MYO3A: variants seen among roughly 807,000 people sequenced by gnomAD.
MYO3A encodes myosin IIIA.
Under a neutral mutation model 192.7 loss-of-function variants are expected in MYO3A, and 180 were observed. That is an observed-to-expected ratio of 0.93 (90% CI 0.83 to 1.06). The LOEUF is 1.06. Among genes scored for constraint, MYO3A ranks in the 50% least tolerant of loss-of-function variants. The pLI is 0.00. For synonymous variants in MYO3A, 628 were observed against 645.3 expected (o/e 0.97, Z 0.41); for missense variants, 1,896 against 1,905.0 (o/e 1.00, Z 0.09).
At chr10:26,201,839 C>T (rs1422939267) in intron 33 of MYO3A, among the ~76,000 whole-genome samples, 9 of 152,164 alleles carry the variant, frequency 5.9e-5, no homozygotes, top group Non-Finnish European at 1.2e-4. Flanking sequence ...GCACTAAGAA[C>T]TTAAATATGT....
At chr10:25,978,322 G>T (rs953761692) in intron 4 of MYO3A, among the ~76,000 whole-genome samples, 2 of 152,176 alleles carry the variant, frequency 1.3e-5, no homozygotes, top group African/African-American at 4.8e-5. Flanking sequence ...AGGTTTAATT[G>T]TACTTACACA....
Position 25,960,278 on chromosome 10 carries a change from A to G in MYO3A, c.303+5270A>G, listed in dbSNP as rs375006407. Among the ~76,000 whole-genome samples, 18 of 152,204 alleles carry G rather than the reference A, an allele frequency of 1.2e-4. No individual in the cohort carries two copies. In the South Asian group the frequency reaches 3.7e-3, roughly 32 times the overall value. On this transcript the variant is annotated intron_variant, in intron 4 of 34. Transcript: ENST00000642920. ...GGAGCCTTTCAAAATGTATAATAGT[A>G]TTTTCAAAAATCTTTCATCATCTGA...
chr10:26,098,496 T>G (rs1460663033), intron 17 of MYO3A, among the ~76,000 whole-genome samples: 1 of 152,244 alleles, frequency 6.6e-6, no homozygotes, highest in Non-Finnish European at 1.5e-5. Context: ...CATGCCTATG[T>G]CCTGAATGGT....
At position 26,174,566 on chromosome 10, in the gene MYO3A, A is replaced by G. The variant is rs1842222082; in HGVS notation, c.4293+9A>G. ...CAATTTTTTCAAAACAGGTATGTGA[A>G]TAAATAAATTTATTTACTAATAAAA... is the stretch of plus-strand genomic sequence containing the variant. On this transcript the variant is annotated intron_variant, in intron 30 of 34. Coordinates refer to ENST00000642920, the MANE Select transcript of MYO3A (RefSeq NM_017433.5). 1 of 1,605,342 alleles carries G rather than the reference A, an allele frequency of 6.2e-7. No individual in the cohort carries two copies.
intron 2 of MYO3A, among the ~76,000 whole-genome samples, chr10:25,947,904 C>T (rs1389665190): frequency 1.3e-5 from 2 of 152,048 alleles, no homozygotes; most frequent in African/African-American, 4.8e-5. Context: ...GGCTTACATT[C>T]TGGTAGTGGA....
intron 4 of MYO3A, among the ~76,000 whole-genome samples, chr10:25,958,716 A>T (rs1439677690): frequency 6.6e-6 from 1 of 152,172 alleles, no homozygotes; most frequent in Non-Finnish European, 1.5e-5. Flanking sequence ...GATTCTTCCT[A>T]TCCATGAGCA....
intron 10 of MYO3A, among the ~76,000 whole-genome samples, chr10:26,043,270 T>C (rs1843455664): frequency 1.3e-5 from 2 of 151,960 alleles, no homozygotes; most frequent in South Asian, 4.2e-4. Flanking sequence ...GAAGGCAGCA[T>C]AGCACTGTGT....
At chr10:26,004,994 A>G (rs1841093292) in intron 6 of MYO3A, among the ~76,000 whole-genome samples, 1 of 152,226 alleles carries the variant, frequency 6.6e-6, no homozygotes, top group Non-Finnish European at 1.5e-5. Flanking sequence ...AATGGCTGCT[A>G]AAACTAGTGA....
chr10:25,997,334 G>A, intron 6 of MYO3A, 76 bp downstream of exon 6: 1 of 1,114,938 alleles, frequency 9.0e-7, no homozygotes, highest in South Asian at 1.3e-5. Flanking sequence ...TTTTCGAATG[G>A]CCTTCCTTTC....
chr10:26,211,953 A>T lies in MYO3A; in HGVS notation c.4841A>T (p.Gln1614Leu), dbSNP rs779920211. The T allele has an allele frequency of 1.9e-6, 3 of 1,613,848 alleles. No individual in the cohort carries two copies. The highest frequency in any genetic ancestry group is 1.1e-5 in the South Asian group (1 of 91,010). Residue 1614 changes from glutamine (Q) to leucine (L), a missense_variant, in exon 35 of 35, where the codon CAG (glutamine) becomes CTG (leucine). Gln to Leu is a moderately radical substitution (Grantham distance 113, BLOSUM62 -2). Coordinates refer to ENST00000642920, the MANE Select transcript of MYO3A (RefSeq NM_017433.5). The part of the protein sequence containing the change: ...RKTSQRRRLV[Q>L]QS ...ACCTCCCAGCGCCGGCGCCTCGTCC[A>T]GCAGTCCTAACCGTTCAACGAGGCA...
intron 23 of MYO3A, among the ~76,000 whole-genome samples, chr10:26,150,006 G>T (rs976416176): frequency 3.3e-5 from 5 of 149,886 alleles, no homozygotes; most frequent in African/African-American, 1.2e-4. Context: ...TGTCCTTCAG[G>T]TTCAACCATG....
intron 17 of MYO3A, among the ~76,000 whole-genome samples, chr10:26,103,749 T>A (rs1377917790): frequency 3.3e-5 from 5 of 152,222 alleles, no homozygotes; most frequent in Admixed American, 3.3e-4. Context: ...TTGTTTAACC[T>A]TTTCACTAAA....
chr10:26,058,668 A>G (rs12242396), intron 10 of MYO3A, among the ~76,000 whole-genome samples: 71,755 of 151,876 alleles, frequency 0.47, 17,767 homozygotes, highest in Middle Eastern at 0.58. Flanking sequence ...TTCTCCTTCA[A>G]TATTGGTTGC....
At chr10:26,057,724 C>G (rs901114249) in intron 10 of MYO3A, among the ~76,000 whole-genome samples, 17 of 152,144 alleles carry the variant, frequency 1.1e-4, no homozygotes, top group African/African-American at 4.1e-4. Flanking sequence ...AAGTCAATGG[C>G]TAATTGGATC....
At chr10:25,981,257 T>A (rs1258674990) in intron 4 of MYO3A, among the ~76,000 whole-genome samples, 3 of 152,158 alleles carry the variant, frequency 2.0e-5, no homozygotes, top group African/African-American at 4.8e-5. Flanking sequence ...TAATTTGACA[T>A]CCATATACCA....
rs533164744 is a variant in MYO3A at position 26,076,743 on chromosome 10, GA to G, written c.1359+6346del. Among the ~76,000 whole-genome samples the G allele has an allele frequency of 5.9e-5, 9 of 152,148 alleles. No homozygotes were observed. The East Asian group carries it at 1.7e-3, about 29-fold the overall frequency. ...GCCAATTATCCCAGCACCATTTGTT[GA>G]AAAGGGTGTCTTTTCCAGATTTTAT... On this transcript the variant is annotated intron_variant, in intron 14 of 34. Transcript: ENST00000642920.
intron 2 of MYO3A, among the ~76,000 whole-genome samples, chr10:25,946,520 C>CT (rs35754342): frequency 0.13 from 18,546 of 142,134 alleles, 1,394 homozygotes; most frequent in East Asian, 0.34. Flanking sequence ...TTAAGTTTCC[C>CT]TTTTTTTTTT....
chr10:26,176,862 T>C lies in MYO3A; in HGVS notation c.4438+17T>C. On this transcript the variant is annotated intron_variant, in intron 31 of 34. Transcript: ENST00000642920. ...GCCTCTCAGGTAAAAATCAGTAGAG[T>C]TAGAACTTCCTGAATGGGAAGGAAA... The C allele has an allele frequency of 1.6e-5, 25 of 1,612,780 alleles. No individual in the cohort carries two copies. Among genetic ancestry groups the C allele is most frequent in the Non-Finnish European group, 2.1e-5 (25 of 1,178,836 alleles).
intron 32 of MYO3A, among the ~76,000 whole-genome samples, chr10:26,199,421 G>T (rs535589616): frequency 4.4e-4 from 67 of 151,674 alleles, no homozygotes; most frequent in African/African-American, 1.6e-3. Context: ...GGCACGATGG[G>T]TCATGACTAT....
Sources: allele counts gnomAD v4.1 joint callset (sites outside exome capture counted in the v4.1 genomes callset), GRCh38; gene constraint gnomAD v4.1.1; transcripts MANE v1.5; gene names NCBI Gene and HGNC (gene_info 2026-07-23, HGNC 2026-07-21).